The following CDH12 variants were observed in gnomAD, a reference collection of about 807,000 sequenced individuals.
CDH12 encodes cadherin 12.
Under a neutral mutation model 74.1 loss-of-function variants are expected in CDH12, and 41 were observed. The ratio of observed to expected loss-of-function variants is 0.55; its 90% CI spans 0.43 to 0.72. CDH12 has a LOEUF of 0.72. CDH12 is among the 30% of genes least tolerant of loss of function. The pLI is 0.00. For synonymous variants in CDH12, 399 were observed against 355.0 expected (o/e 1.12, Z -1.39); for missense variants, 945 against 977.2 (o/e 0.97, Z 0.44).
intron 6 of CDH12, among the ~76,000 whole-genome samples, chr5:21,868,693 T>C (rs1751461230): frequency 1.3e-5 from 2 of 152,218 alleles, no homozygotes. Flanking sequence ...CATTGTATTT[T>C]GGAAGCAGGT....
chr5:22,011,491 G>T (rs946829329), intron 5 of CDH12, among the ~76,000 whole-genome samples: 37 of 152,244 alleles, frequency 2.4e-4, no homozygotes, highest in Non-Finnish European at 4.4e-4. Context: ...TTGTGTGTAT[G>T]TCCATTTAAC....
intron 3 of CDH12, among the ~76,000 whole-genome samples, chr5:22,395,768 GC>G (rs1232559311): frequency 6.6e-6 from 1 of 152,102 alleles, no homozygotes; most frequent in African/African-American, 2.4e-5. Flanking sequence ...GTGATATGGA[GC>G]TGTATGAAGT....
intron 7 of CDH12, 74 bp from the exon 8 acceptor site, chr5:21,842,402 C>T: frequency 9.5e-7 from 1 of 1,053,850 alleles, no homozygotes. Flanking sequence ...TAAAATGCAA[C>T]AACAACATGA....
intron 4 of CDH12, among the ~76,000 whole-genome samples, chr5:22,091,353 A>G (rs1244886946): frequency 2.7e-5 from 4 of 150,586 alleles, no homozygotes; most frequent in Non-Finnish European, 5.9e-5. Context: ...AGCATACAAG[A>G]TCAATATACA....
chr5:22,751,415 T>C (rs530529580), intron 1 of CDH12, among the ~76,000 whole-genome samples: 59 of 150,770 alleles, frequency 3.9e-4, no homozygotes, highest in African/African-American at 1.4e-3. Context: ...AGTCCAGATC[T>C]TTTGGTCATG....
chr5:21,765,800 TATCTGG>T (rs1744991300), intron 11 of CDH12, among the ~76,000 whole-genome samples: 1 of 152,080 alleles, frequency 6.6e-6, no homozygotes, highest in African/African-American at 2.4e-5. Flanking sequence ...TATGGATTAT[TATCTGG>T]ATCTCTGTCA....
chr5:21,933,952 T>C (rs1328733678), intron 6 of CDH12, among the ~76,000 whole-genome samples: 3 of 152,254 alleles, frequency 2.0e-5, no homozygotes, highest in Non-Finnish European at 4.4e-5. Context: ...ATCTTTTTAC[T>C]ATCTATGGAT....
chr5:22,704,564 T>A (rs1234067738), intron 1 of CDH12, among the ~76,000 whole-genome samples: 3 of 152,138 alleles, frequency 2.0e-5, no homozygotes, highest in Non-Finnish European at 4.4e-5. Flanking sequence ...AACAAAGTAT[T>A]ATAATGTTTG....
intron 5 of CDH12, among the ~76,000 whole-genome samples, chr5:22,018,558 A>C (rs1737755702): frequency 6.6e-6 from 1 of 152,358 alleles, no homozygotes; most frequent in African/African-American, 2.4e-5. Flanking sequence ...ACAAATAGCA[A>C]GTAGGTCCTC....
rs915530015 is a variant in CDH12, at chr5:22,379,645, A to C, written c.-333+25612T>G. Reference sequence around the variant, plus strand: ...GTCCTAATTTATTTCCTTAACAATGAATTAGGGATAATAAAACCCTCCCAG... The same window carrying C: ...GTCCTAATTTATTTCCTTAACAATGCATTAGGGATAATAAAACCCTCCCAG... On this transcript the variant is annotated intron_variant, in intron 3 of 14. Coordinates refer to ENST00000382254, the MANE Select transcript of CDH12 (RefSeq NM_004061.5). 2.0e-5 allele frequency among the ~76,000 whole-genome samples: 3 copies of C among 152,202 alleles called. No homozygotes were observed. In the East Asian group the frequency reaches 5.8e-4, roughly 29 times the overall value.
At chr5:22,395,157 A>T (rs191837123) in intron 3 of CDH12, among the ~76,000 whole-genome samples, 1 of 152,310 alleles carries the variant, frequency 6.6e-6, no homozygotes, top group African/African-American at 2.4e-5. Context: ...TAAATCCAAT[A>T]GCAAATGTCA....
chr5:22,414,790 A>C (rs1743310664), intron 2 of CDH12, among the ~76,000 whole-genome samples: 1 of 151,916 alleles, frequency 6.6e-6, no homozygotes, highest in South Asian at 2.1e-4. Context: ...TTTTGGACTT[A>C]CTTTTTCTAA....
chr5:22,346,466 C>T (rs1561332019), intron 3 of CDH12, among the ~76,000 whole-genome samples: 2 of 152,230 alleles, frequency 1.3e-5, no homozygotes, highest in South Asian at 4.1e-4. Flanking sequence ...ATTGTCTTCA[C>T]AGACTTTGAG....
chr5:22,490,266 A>G (rs779109328), intron 2 of CDH12, among the ~76,000 whole-genome samples: 22 of 152,216 alleles, frequency 1.4e-4, no homozygotes, highest in Non-Finnish European at 1.0e-4. Flanking sequence ...CAGCTGAAAT[A>G]AAGAGAATAT....
rs116451990 is a variant in CDH12 at position 22,056,955 on chromosome 5, G to C, written c.231+21491C>G. Among the ~76,000 whole-genome samples the C allele has an allele frequency of 4.5e-3, 688 of 152,170 alleles. 9 individuals carry two copies. The highest frequency in any genetic ancestry group is 0.016 in the African/African-American group (659 of 41,520). ...TTCTGACAACCAACATCTCCCCTAA[G>C]AACTTTGAATCTTTCAGACACAAGA... On this transcript the variant is annotated intron_variant, in intron 5 of 14. Transcript: ENST00000382254.
chr5:22,156,064 A>G (rs1748004402), intron 4 of CDH12, among the ~76,000 whole-genome samples: 1 of 152,122 alleles, frequency 6.6e-6, no homozygotes, highest in African/African-American at 2.4e-5. Context: ...TTACTGATAT[A>G]TATATATAAA....
intron 1 of CDH12, among the ~76,000 whole-genome samples, chr5:22,829,872 G>T (rs965027800): frequency 2.0e-5 from 3 of 152,124 alleles, no homozygotes; most frequent in African/African-American, 7.2e-5. Context: ...GTTGTGGATG[G>T]TCTATGATAC....
chr5:21,803,391 T>A (rs1460426162), intron 9 of CDH12, among the ~76,000 whole-genome samples: 1 of 152,112 alleles, frequency 6.6e-6, no homozygotes, highest in Non-Finnish European at 1.5e-5. Context: ...CGGTAACACA[T>A]CATCAATACA....
intron 6 of CDH12, among the ~76,000 whole-genome samples, chr5:21,870,607 A>G (rs1385521459): frequency 1.3e-5 from 2 of 152,176 alleles, no homozygotes; most frequent in African/African-American, 2.4e-5. Context: ...ACAGTACAAA[A>G]TAGATTATAA....
Sources: allele counts gnomAD v4.1 joint callset (sites outside exome capture counted in the v4.1 genomes callset), GRCh38; gene constraint gnomAD v4.1.1; transcripts MANE v1.5; gene names NCBI Gene and HGNC (gene_info 2026-07-23, HGNC 2026-07-21).